LZTS1: variants seen among roughly 807,000 people sequenced by gnomAD.
LZTS1 encodes leucine zipper tumor suppressor 1.
A neutral mutation model predicts 45.8 loss-of-function variants in LZTS1; 31 were observed. That is an observed-to-expected ratio of 0.68 (90% confidence interval 0.51 to 0.91). LZTS1 has a LOEUF of 0.91. LZTS1 is among the 40% of genes least tolerant of loss of function. The pLI is 0.00. For synonymous variants in LZTS1, 359 were observed against 357.3 expected, an observed-to-expected ratio of 1.00 and a Z score of -0.05; for missense variants, 821 against 788.9, an observed-to-expected ratio of 1.04 and a Z score of -0.49.
intron 1 of LZTS1, among the ~76,000 whole-genome samples, chr8:20,257,369 AG>A (rs947804003): frequency 3.9e-5 from 6 of 152,124 alleles, no homozygotes; most frequent in Non-Finnish European, 7.3e-5. Context: ...CAAAAAAAAA[AG>A]TTGTCAAGTG....
intron 1 of LZTS1, among the ~76,000 whole-genome samples, chr8:20,273,656 C>T (rs2128896286): frequency 6.6e-6 from 1 of 152,306 alleles, no homozygotes; most frequent in African/African-American, 2.4e-5. Context: ...TGACCAGCCA[C>T]CAAGCCCTGT....
chr8:20,288,357 C>T (rs1487368527), intron 1 of LZTS1, among the ~76,000 whole-genome samples: 1 of 152,190 alleles, frequency 6.6e-6, no homozygotes, highest in African/African-American at 2.4e-5. Context: ...AGCCTCCCTC[C>T]CTCGCCATCA....
intron 1 of LZTS1, among the ~76,000 whole-genome samples, chr8:20,267,001 A>T (rs1800371209): frequency 6.6e-6 from 1 of 151,240 alleles, no homozygotes; most frequent in African/African-American, 2.4e-5. Context: ...CCAGCCACTC[A>T]GGAGGCTGAG....
Position 20,254,937 on chromosome 8 carries a change from T to C in LZTS1, c.245A>G (p.Tyr82Cys). The change falls in exon 2 of 4, where the codon TAC (tyrosine) becomes TGC (cysteine). Residue 82 changes from tyrosine to cysteine, a missense_variant. Transcript: ENST00000381569. ...QKARGSHHPD[Y>C]TALSSGDLGG... ...TAAATCCCCGCTGGACAGTGCCGTG[T>C]AATCTGGGTGATGGGAGCCCCGGGC... The C allele has an allele frequency of 6.2e-7, 1 of 1,614,224 alleles. No individual in the cohort carries two copies. The highest frequency in any genetic ancestry group is 8.5e-7 in the Non-Finnish European group (1 of 1,180,046).
Position 20,254,959 on chromosome 8 carries a change from G to C in LZTS1, c.223C>G (p.Arg75Gly), listed in dbSNP as rs144864312. 6.2e-7 allele frequency: 1 copy of C among 1,614,164 alleles called. No homozygotes were observed. The highest frequency in any genetic ancestry group is 2.2e-5 in the East Asian group (1 of 44,876). Reference sequence around the variant, plus strand: ...GTGTAATCTGGGTGATGGGAGCCCCGGGCTTTCTGGCTGACCTTGATGTAG... The same window carrying C: ...GTGTAATCTGGGTGATGGGAGCCCCCGGCTTTCTGGCTGACCTTGATGTAG... ...FFYIKVSQKA[R>G]GSHHPDYTAL... is the part of the protein sequence containing the mutation. Residue 75 changes from arginine to glycine, a missense_variant, in exon 2 of 4, where the codon CGG (arginine) becomes GGG (glycine). By Grantham distance (125) the Arg-to-Gly change is moderately radical. Transcript: ENST00000381569.
chr8:20,250,635 C>T (rs115997199), intron 3 of LZTS1, among the ~76,000 whole-genome samples: 4,040 of 152,224 alleles, frequency 0.027, 157 homozygotes, highest in African/African-American at 0.093. Context: ...TGAGAAGTCT[C>T]GCTTTGTCAC....
intron 1 of LZTS1, among the ~76,000 whole-genome samples, chr8:20,299,799 T>C (rs1031320154): frequency 2.6e-5 from 4 of 152,170 alleles, no homozygotes; most frequent in Non-Finnish European, 4.4e-5. Context: ...ACTGCAAGCC[T>C]AGGAGTGTCC....
intron 1 of LZTS1, among the ~76,000 whole-genome samples, chr8:20,261,054 T>C (rs1350419372): frequency 1.3e-5 from 2 of 152,148 alleles, no homozygotes; most frequent in Non-Finnish European, 2.9e-5. Context: ...GTCTCTGCCC[T>C]CCATAAGGAC....
At chr8:20,284,963 C>G (rs1800761815) in intron 1 of LZTS1, among the ~76,000 whole-genome samples, 1 of 152,222 alleles carries the variant, frequency 6.6e-6, no homozygotes, top group East Asian at 1.9e-4. Context: ...CTTACAACTA[C>G]TTCCTCATGG....
intron 1 of LZTS1, among the ~76,000 whole-genome samples, chr8:20,262,622 G>A (rs1800259799): frequency 6.6e-6 from 1 of 152,180 alleles, no homozygotes; most frequent in Non-Finnish European, 1.5e-5. Context: ...AAGGTGCTGA[G>A]GTCTGTATGA....
intron 1 of LZTS1, among the ~76,000 whole-genome samples, chr8:20,302,731 A>T (rs1255000166): frequency 6.6e-6 from 1 of 152,164 alleles, no homozygotes; most frequent in Non-Finnish European, 1.5e-5. Context: ...GACGGTGTGG[A>T]GGGAATAAGT....
chr8:20,263,229 C>G (rs949841157), intron 1 of LZTS1, among the ~76,000 whole-genome samples: 2 of 152,096 alleles, frequency 1.3e-5, no homozygotes, highest in East Asian at 3.9e-4. Context: ...TGGAAGCAGG[C>G]GGAGACTGGG....
intron 1 of LZTS1, chr8:20,275,797 G>T (rs575891693): frequency 6.6e-6 from 1 of 152,424 alleles, no homozygotes; most frequent in South Asian, 2.1e-4. Context: ...GGAGCTTACT[G>T]CAGTGACTGT....
At chr8:20,274,892 T>TGAGGG (rs1180097926) in intron 1 of LZTS1, among the ~76,000 whole-genome samples, 2 of 151,946 alleles carry the variant, frequency 1.3e-5, no homozygotes, top group African/African-American at 2.4e-5. Flanking sequence ...ACCTAACCCT[T>TGAGGG]GGTCCCTCAC....
rs576796607 is a variant in LZTS1, at chr8:20,249,503, G to A, written c.*219C>T. 48 of 596,176 alleles carry A rather than the reference G, an allele frequency of 8.1e-5. 2 individuals carry two copies. The South Asian group carries it at 1.0e-3, about 13-fold the overall frequency. The allele number at this position is 596,176 out of a possible 1,614,324, so 36.9% of individuals were successfully genotyped here. A position where few individuals can be genotyped will look rare whatever the true frequency, so the allele number is the denominator to read the frequency against. ...GGACCCATCTCCTGGGAAAGCCAGAGGAGTCAGGGCCTGACGTCTGGTGGG... is the reference window on the plus strand; with the variant it reads ...GGACCCATCTCCTGGGAAAGCCAGAAGAGTCAGGGCCTGACGTCTGGTGGG... On this transcript the variant is annotated 3_prime_UTR_variant, in exon 4 of 4. Transcript: ENST00000381569.
chr8:20,273,217 G>A lies in LZTS1; in HGVS notation c.-134-17902C>T, dbSNP rs150182234. ...CTGCTTCCTTGGCTTATGTGATACC[G>A]TGATTGCCTGGCTTTCCTCCTGTTG... On this transcript the variant is annotated intron_variant, in intron 1 of 3. Transcript: ENST00000381569. Among the ~76,000 whole-genome samples, 298 of 152,160 alleles carry A rather than the reference G, an allele frequency of 2.0e-3. 1 individual carries two copies. The highest frequency in any genetic ancestry group is 7.0e-3 in the African/African-American group (289 of 41,512).
chr8:20,254,831 G>T lies in LZTS1; in HGVS notation c.345+6C>A. 1.3e-6 allele frequency: 2 copies of T among 1,598,006 alleles called. No homozygotes were observed. The highest frequency in any genetic ancestry group is 8.5e-7 in the Non-Finnish European group (1 of 1,170,162). On this transcript the variant is annotated splice_donor_region_variant and intron_variant, in intron 2 of 3. Coordinates refer to ENST00000381569, the MANE Select transcript of LZTS1 (RefSeq NM_021020.5). ...CCACTTACCCTTGCCAGCGACCCCC[G>T]CTTACCATTTCTAGCTGATTGGAGA...
intron 1 of LZTS1, among the ~76,000 whole-genome samples, chr8:20,273,543 C>T (rs543937949): frequency 1.3e-5 from 2 of 152,118 alleles, no homozygotes; most frequent in African/African-American, 2.4e-5. Context: ...TCTGGAATCC[C>T]GGTGTTAGTG....
chr8:20,256,736 T>C (rs1288064248), intron 1 of LZTS1, among the ~76,000 whole-genome samples: 2 of 152,138 alleles, frequency 1.3e-5, no homozygotes, highest in African/African-American at 2.4e-5. Flanking sequence ...AGGAGTTTGG[T>C]TGAAGACATT....
Sources: allele counts gnomAD v4.1 joint callset (sites outside exome capture counted in the v4.1 genomes callset), GRCh38; gene constraint gnomAD v4.1.1; transcripts MANE v1.5; gene names NCBI Gene and HGNC (gene_info 2026-07-23, HGNC 2026-07-21).